NEGR1: variants seen among roughly 807,000 people sequenced by gnomAD.
The protein encoded by NEGR1 is neuronal growth regulator 1, also known as IgLON family member 4.
In NEGR1, 10 loss-of-function variants were observed where a neutral mutation model predicts 40.9. The ratio of observed to expected loss-of-function variants is 0.24; its 90% CI spans 0.15 to 0.42. The LOEUF (loss-of-function observed/expected upper bound fraction) is 0.42, where lower values mean the gene tolerates loss of function less well. Among genes scored for constraint, NEGR1 ranks in the 10% least tolerant of loss-of-function variants. The pLI is 1.00. For synonymous variants in NEGR1, 185 were observed against 166.8 expected, an observed-to-expected ratio of 1.11 and a Z score of -0.84; for missense variants, 352 against 438.9, an observed-to-expected ratio of 0.80 and a Z score of 1.77.
At chr1:72,213,307 C>T (rs1653678998) in intron 1 of NEGR1, among the ~76,000 whole-genome samples, 1 of 151,894 alleles carries the variant, frequency 6.6e-6, no homozygotes, top group South Asian at 2.1e-4. Flanking sequence ...TTTTGTAAAA[C>T]TTTTGCAAAA....
chr1:71,437,523 A>G (rs1425116536), intron 6 of NEGR1, among the ~76,000 whole-genome samples: 1 of 147,758 alleles, frequency 6.8e-6, no homozygotes, highest in Non-Finnish European at 1.5e-5. Flanking sequence ...TAATGGTGCT[A>G]AAAAAAAAGC....
chr1:72,143,875 CATATATTCATAT>C (rs1650778970), intron 1 of NEGR1, among the ~76,000 whole-genome samples: 1 of 110,106 alleles, frequency 9.1e-6, no homozygotes, highest in Non-Finnish European at 1.9e-5. Flanking sequence ...TCATATATAT[CATATATTCATAT>C]ATATATATTA....
intron 2 of NEGR1, among the ~76,000 whole-genome samples, chr1:71,898,935 TATA>T (rs1253552083): frequency 3.8e-5 from 5 of 129,928 alleles, no homozygotes; most frequent in African/African-American, 1.5e-4. Flanking sequence ...TGCAAATATA[TATA>T]ATATATTGCA....
At chr1:71,957,257 G>A (rs1646126696) in intron 1 of NEGR1, among the ~76,000 whole-genome samples, 1 of 152,078 alleles carries the variant, frequency 6.6e-6, no homozygotes, top group Admixed American at 6.6e-5. Context: ...AGTCTACGGA[G>A]CAGAAAACTA....
At chr1:71,705,749 A>G (rs1653868946) in intron 3 of NEGR1, among the ~76,000 whole-genome samples, 1 of 151,780 alleles carries the variant, frequency 6.6e-6, no homozygotes, top group African/African-American at 2.4e-5. Context: ...AAGAAAGAAA[A>G]GAAAATAAAA....
intron 6 of NEGR1, among the ~76,000 whole-genome samples, chr1:71,586,919 T>C (rs759123479): frequency 1.3e-5 from 2 of 152,114 alleles, no homozygotes; most frequent in African/African-American, 2.4e-5. Flanking sequence ...TTGTCAAATA[T>C]TTATTACCAG....
At chr1:72,077,520 T>G (rs1286441425) in intron 1 of NEGR1, among the ~76,000 whole-genome samples, 2 of 152,100 alleles carry the variant, frequency 1.3e-5, no homozygotes, top group Non-Finnish European at 2.9e-5. Context: ...CTGGGTGCAG[T>G]AGTTCATGCC....
At chr1:72,141,859 G>T (rs1650690357) in intron 1 of NEGR1, among the ~76,000 whole-genome samples, 1 of 151,870 alleles carries the variant, frequency 6.6e-6, no homozygotes, top group Admixed American at 6.6e-5. Context: ...TTTAGCAAAA[G>T]TAAATCTCCA....
intron 1 of NEGR1, among the ~76,000 whole-genome samples, chr1:72,226,741 C>G (rs1459476887): frequency 6.6e-6 from 1 of 151,918 alleles, no homozygotes; most frequent in Non-Finnish European, 1.5e-5. Context: ...TTTTGAAACT[C>G]AGAAAAGTGA....
chr1:71,910,365 G>A (rs569685803), intron 2 of NEGR1, among the ~76,000 whole-genome samples: 3 of 152,294 alleles, frequency 2.0e-5, no homozygotes, highest in South Asian at 4.1e-4. Context: ...TGCAGGTAAC[G>A]AAATACCTGG....
chr1:71,691,825 T>A (rs1005118576), intron 4 of NEGR1, among the ~76,000 whole-genome samples: 1 of 151,596 alleles, frequency 6.6e-6, no homozygotes, highest in Admixed American at 6.6e-5. Context: ...ATAACTCTTA[T>A]GAAGCTAAGC....
At chr1:71,928,633 G>C (rs1421952009) in intron 2 of NEGR1, among the ~76,000 whole-genome samples, 1 of 150,320 alleles carries the variant, frequency 6.7e-6, no homozygotes, top group Non-Finnish European at 1.5e-5. Context: ...TGATCGTCCT[G>C]TTAACTAATG....
At chr1:71,467,605 A>G (rs1357198189) in intron 6 of NEGR1, among the ~76,000 whole-genome samples, 1 of 152,040 alleles carries the variant, frequency 6.6e-6, no homozygotes, top group African/African-American at 2.4e-5. Context: ...TAGAGGTTGT[A>G]TGTCTTTCAG....
chr1:71,534,262 A>G (rs1647445191), intron 6 of NEGR1, among the ~76,000 whole-genome samples: 1 of 151,726 alleles, frequency 6.6e-6, no homozygotes, highest in Non-Finnish European at 1.5e-5. Context: ...GTGAACTCAC[A>G]TTCCTTCCTT....
intron 1 of NEGR1, among the ~76,000 whole-genome samples, chr1:72,181,444 C>T (rs76628680): frequency 0.013 from 1,971 of 152,080 alleles, 43 homozygotes; most frequent in African/African-American, 0.045. Flanking sequence ...AGAGGGAATA[C>T]GTATACTCTT....
At chr1:72,274,695 A>T in intron 1 of NEGR1, 1 of 990,624 alleles carries the variant, frequency 1.0e-6, no homozygotes, top group South Asian at 1.3e-5. Flanking sequence ...AACCCATTGA[A>T]GAAATCATTG....
Position 72,220,867 on chromosome 1 carries a change from T to C in NEGR1, c.176+61452A>G, listed in dbSNP as rs1486057233. Among the ~76,000 whole-genome samples the C allele has an allele frequency of 2.0e-5, 3 of 151,140 alleles. No homozygotes were observed. The East Asian group carries it at 5.8e-4, about 29-fold the overall frequency. On this transcript the variant is annotated intron_variant, in intron 1 of 6. Transcript: ENST00000357731. Reference sequence around the variant, plus strand: ...TTCATTGTAAAAAGAATTTTTCTTATAATTATCTTTTAGATTTTGACAAAA... The same window carrying C: ...TTCATTGTAAAAAGAATTTTTCTTACAATTATCTTTTAGATTTTGACAAAA...
At position 72,255,326 on chromosome 1, in the gene NEGR1, T is replaced by G. The variant is rs150456377; in HGVS notation, c.176+26993A>C. On this transcript the variant is annotated intron_variant, in intron 1 of 6. Transcript: ENST00000357731. ...AGCACAAATCTTAATTCAGAATTCA[T>G]GAACACCTATTATTTTATGCCAAGC... 5.1e-3 allele frequency among the ~76,000 whole-genome samples: 770 copies of G among 152,274 alleles called. 4 individuals carry two copies. The highest frequency in any genetic ancestry group is 0.018 in the African/African-American group (735 of 41,562).
At chr1:72,090,881 C>T (rs935751256) in intron 1 of NEGR1, among the ~76,000 whole-genome samples, 1 of 152,152 alleles carries the variant, frequency 6.6e-6, no homozygotes, top group African/African-American at 2.4e-5. Context: ...CTCCAAAGTG[C>T]TGTTAAGCTG....
Sources: gnomAD v4.1 joint callset for allele counts (sites outside exome capture counted in the v4.1 genomes callset) on GRCh38, gnomAD v4.1.1 for gene constraint, MANE v1.5 for transcripts, NCBI Gene and HGNC (gene_info 2026-07-23, HGNC 2026-07-21) for gene names.